Variants in DYNC1H1 observed in about 807,000 individuals in gnomAD.
DYNC1H1 encodes cytoplasmic dynein 1 heavy chain 1.
DYNC1H1 carries 51 observed loss-of-function variants against 527.1 expected under a neutral mutation model. The ratio of observed to expected loss-of-function variants is 0.10; its 90% CI spans 0.08 to 0.12. DYNC1H1 has a LOEUF of 0.12. DYNC1H1 is among the 10% of genes least tolerant of loss of function. DYNC1H1 has a pLI of 1.00. For synonymous variants in DYNC1H1, 2,189 were observed against 2,278.8 expected (o/e 0.96, Z 1.12); for missense variants, 2,771 against 5,971.8 (o/e 0.46, Z 17.66).
At position 102,040,593 on chromosome 14, in the gene DYNC1H1, C is replaced by T; in HGVS notation, c.11866-5C>T. ...CCATGGGTGCTTCCACTATTGTCTC[C>T]ACAGCAATTTGGCATCTGGCTGGAC... is the stretch of plus-strand genomic sequence containing the variant. On this transcript the variant is annotated splice_polypyrimidine_tract_variant and splice_region_variant and intron_variant, in intron 63 of 77. Transcript: ENST00000360184. The T allele has an allele frequency of 4.3e-6, 7 of 1,614,190 alleles. No individual in the cohort carries two copies. Among genetic ancestry groups the T allele is most frequent in the Non-Finnish European group, 5.1e-6 (6 of 1,180,046 alleles).
intron 43 of DYNC1H1, chr14:102,023,279 G>A (rs1221577891): frequency 4.9e-5 from 17 of 349,064 alleles, no homozygotes; most frequent in East Asian, 2.3e-4. Flanking sequence ...AGCCGGGCGC[G>A]GTGGCTCATG....
chr14:102,018,355 AGACAGGGCCCTG>A lies in DYNC1H1; in HGVS notation c.8178-87_8178-76del. ...ATAGCTGGGTTAGGAAGCGACCTCC[AGACAGGGCCCTG>A]GACAGGGCGACTCCACTGGCACACT... On this transcript the variant is annotated intron_variant, in intron 40 of 77. Transcript: ENST00000360184. The surrounding 1 kb of genome is among the most constrained non-coding windows in gnomAD (Gnocchi z 5.2). 2 of 1,536,454 alleles carry A rather than the reference AGACAGGGCCCTG, an allele frequency of 1.3e-6. No homozygotes were observed. Among genetic ancestry groups the A allele is most frequent in the Non-Finnish European group, 1.8e-6 (2 of 1,141,560 alleles).
At chr14:102,025,149 A>G (rs1262338654) in intron 43 of DYNC1H1, among the ~76,000 whole-genome samples, 1 of 151,890 alleles carries the variant, frequency 6.6e-6, no homozygotes, top group Non-Finnish European at 1.5e-5. Context: ...CAGCCTGCCC[A>G]ACGTGGTGAA....
intron 64 of DYNC1H1, 31 bp downstream of exon 64, chr14:102,040,704 C>T (rs760931144): frequency 6.2e-7 from 1 of 1,613,334 alleles, no homozygotes; most frequent in Non-Finnish European, 8.5e-7. Context: ...CTTTCTGGAC[C>T]TGAATGTAAA....
intron 43 of DYNC1H1, among the ~76,000 whole-genome samples, chr14:102,024,097 G>A (rs1042912790): frequency 2.0e-5 from 3 of 152,184 alleles, no homozygotes; most frequent in East Asian, 1.9e-4. Flanking sequence ...ATTTCCAGCC[G>A]GTGGAAGGTG....
intron 8 of DYNC1H1, among the ~76,000 whole-genome samples, chr14:101,987,084 C>T (rs1209843299): frequency 6.6e-6 from 1 of 152,224 alleles, no homozygotes; most frequent in African/African-American, 2.4e-5. Flanking sequence ...GCCACGAAGG[C>T]CTTACCCAGA....
rs773669775 is a variant in DYNC1H1, at chr14:102,015,904, G to C, written c.7291G>C (p.Gly2431Arg). 1 of 1,614,188 alleles carries C rather than the reference G, an allele frequency of 6.2e-7. No homozygotes were observed. The highest frequency in any genetic ancestry group is 1.1e-5 in the South Asian group (1 of 91,086). The change falls in exon 36 of 78, where the codon GGC becomes CGC. Residue 2431 changes from glycine to arginine, a missense_variant. By Grantham distance (125) the Gly-to-Arg change is moderately radical. Coordinates refer to ENST00000360184, the MANE Select transcript of DYNC1H1 (RefSeq NM_001376.5). This position sits in a 1 kb window ranked among gnomAD's most constrained non-coding sequence, Gnocchi z 6.9. ...CATGCAACCGTACTTCACGTCCAAC[G>C]GCCTGGTCACCAAGGCGCTAGAGCA... is the stretch of plus-strand genomic sequence containing the variant. ...TIMQPYFTSN[G>R]LVTKALEHAF...
At chr14:101,966,781 TC>T (rs552267684) in intron 1 of DYNC1H1, among the ~76,000 whole-genome samples, 77 of 152,294 alleles carry the variant, frequency 5.1e-4, no homozygotes, top group African/African-American at 1.6e-3. Context: ...CACCAGTAAT[TC>T]GCTTTTTCCA....
At position 102,048,137 on chromosome 14, in the gene DYNC1H1, A is replaced by G. The variant is rs561995178; in HGVS notation, c.13218+109A>G. 5 of 1,374,502 alleles carry G rather than the reference A, an allele frequency of 3.6e-6. No individual in the cohort carries two copies. The African/African-American group carries it at 5.7e-5, about 16-fold the overall frequency. 85.1% of individuals were successfully genotyped at this position (1,374,502 alleles called of 1,614,324 possible). A position where few individuals can be genotyped will look rare whatever the true frequency, so the allele number is the denominator to read the frequency against. ...GGTTCCACTGTGCCGGACGGAACGT[A>G]CTCACACCGGTGTCACCTCAGAGCA... is the stretch of plus-strand genomic sequence containing the variant. On this transcript the variant is annotated intron_variant, in intron 73 of 77. Coordinates refer to ENST00000360184, the MANE Select transcript of DYNC1H1 (RefSeq NM_001376.5).
Position 102,042,275 on chromosome 14 carries a change from G to A in DYNC1H1, c.12262G>A (p.Val4088Ile). The A allele has an allele frequency of 6.2e-7, 1 of 1,614,088 alleles. No homozygotes were observed. ...AGCAGATAAGGCAATAAACACCGCT[G>A]TAAAGTCGGGCAGGTAGGCCTGTTC... The part of the protein sequence containing the change: ...NQADKAINTA[V>I]KSGRWVMLKN... The change falls in exon 67 of 78, where the codon GTA becomes ATA. Residue 4088 changes from valine (V) to isoleucine (I), a missense_variant. Val to Ile is a conservative substitution (Grantham distance 29, BLOSUM62 3). Around this residue, in one of 32 missense-constraint regions of DYNC1H1, gnomAD observed 195 missense variants for 428.6 expected, o/e 0.45. Transcript: ENST00000360184. This position sits in a 1 kb window ranked among gnomAD's most constrained non-coding sequence, Gnocchi z 5.7.
intron 72 of DYNC1H1, among the ~76,000 whole-genome samples, chr14:102,045,549 T>C (rs1294848793): frequency 6.6e-6 from 1 of 151,962 alleles, no homozygotes; most frequent in Non-Finnish European, 1.5e-5. Context: ...AGGCAGAGGT[T>C]TCAGTGAGCT....
At chr14:102,040,951 T>C in intron 64 of DYNC1H1, 1 of 517,968 alleles carries the variant, frequency 1.9e-6, no homozygotes, top group Non-Finnish European at 3.5e-6. Context: ...GACAGAGGCC[T>C]GTCTGTGAAT....
chr14:102,049,249 C>A lies in DYNC1H1; in HGVS notation c.13373-191C>A. The A allele has an allele frequency of 1.4e-6, 1 of 735,834 alleles. No individual in the cohort carries two copies. The allele number at this position is 735,834 out of a possible 1,614,324, so 45.6% of individuals were successfully genotyped here. A position where few individuals can be genotyped will look rare whatever the true frequency, so the allele number is the denominator to read the frequency against. On this transcript the variant is annotated intron_variant, in intron 74 of 77. Transcript: ENST00000360184. This position sits in a 1 kb window ranked among gnomAD's most constrained non-coding sequence, Gnocchi z 5.5. ...GCACGGTTCTGAGACATGCTCTGGA[C>A]CAGCCTGAGCTAGAGCAGATGTGGT...
In DYNC1H1 at chr14:102,004,892, T is replaced by C. The variant is rs2048178885; in HGVS notation, c.5180T>C (p.Phe1727Ser). The change falls in exon 25 of 78, where the codon TTT (phenylalanine) becomes TCT (serine). Residue 1727 changes from phenylalanine to serine, a missense_variant. This residue lies in a region of DYNC1H1 where 105 missense variants were observed against 138.1 expected (regional missense o/e 0.76). Coordinates refer to ENST00000360184, the MANE Select transcript of DYNC1H1 (RefSeq NM_001376.5). ...GAGTCTGTTACGGAAGTTGAGATTT[T>C]TGGTAAAGCAACTTCAATTGACCCA... ...LAESVTEVEI[F>S]GKATSIDPNT... The C allele has an allele frequency of 1.2e-6, 2 of 1,614,102 alleles. No homozygotes were observed. The highest frequency in any genetic ancestry group is 1.7e-6 in the Non-Finnish European group (2 of 1,180,054).
In DYNC1H1 at chr14:102,050,838, G is replaced by A. The variant is rs546789509; in HGVS notation, c.*275G>A. On this transcript the variant is annotated 3_prime_UTR_variant, in exon 78 of 78. Coordinates refer to ENST00000360184, the MANE Select transcript of DYNC1H1 (RefSeq NM_001376.5). ...CTCCGCTTTCATCCCAGGGCACAGA[G>A]CCTTGCCTTCCATGCTGCCCAGGGA... 9.0e-6 allele frequency: 4 copies of A among 443,518 alleles called. No homozygotes were observed. The East Asian group carries it at 2.0e-4, about 22-fold the overall frequency. The allele number at this position is 443,518 out of a possible 1,614,324, so 27.5% of individuals were successfully genotyped here.
intron 56 of DYNC1H1, 44 bp downstream of exon 56, chr14:102,034,496 T>C: frequency 6.2e-7 from 1 of 1,611,360 alleles, no homozygotes; most frequent in South Asian, 1.1e-5. Flanking sequence ...GGAATGTGGG[T>C]GGTGATCTTG....
chr14:101,982,912 G>A (rs570984112), intron 5 of DYNC1H1, 107 bp from the exon 6 acceptor site: 33 of 1,326,694 alleles, frequency 2.5e-5, no homozygotes, highest in African/African-American at 7.3e-5. Context: ...TTTTTGTCTC[G>A]CTAGATATTT....
In DYNC1H1 at chr14:102,011,162, C is replaced by T. The variant is rs572846272; in HGVS notation, c.6618+210C>T. ...AACAATACTTAACCTGAAAATTTTA[C>T]ATGATACAGTTCAATTTCTGAAAAT... On this transcript the variant is annotated intron_variant, in intron 32 of 77. Coordinates refer to ENST00000360184, the MANE Select transcript of DYNC1H1 (RefSeq NM_001376.5). This position sits in a 1 kb window ranked among gnomAD's most constrained non-coding sequence, Gnocchi z 5.3. 1.3e-5 allele frequency: 8 copies of T among 621,690 alleles called. No homozygotes were observed. Among genetic ancestry groups the T allele is most frequent in the Middle Eastern group, 4.4e-4 (1 of 2,262 alleles). 38.5% of individuals were successfully genotyped at this position (621,690 alleles called of 1,614,324 possible). A position where few individuals can be genotyped will look rare whatever the true frequency, so the allele number is the denominator to read the frequency against.
rs916001404 is a variant in DYNC1H1 at position 102,049,324 on chromosome 14, GAGCCGCC to G, written c.13373-108_13373-102del. On this transcript the variant is annotated intron_variant, in intron 74 of 77. Coordinates refer to ENST00000360184, the MANE Select transcript of DYNC1H1 (RefSeq NM_001376.5). This position sits in a 1 kb window ranked among gnomAD's most constrained non-coding sequence, Gnocchi z 5.5. ...TGCAGCCTGGGAAAGGCAGTAGGTG[GAGCCGCC>G]AGCCGCCTGTGTGGGCAGCCAGGAT... 33 of 1,484,158 alleles carry G rather than the reference GAGCCGCC, an allele frequency of 2.2e-5. No individual in the cohort carries two copies. The African/African-American group carries it at 3.4e-4, about 15-fold the overall frequency. 91.9% of individuals were successfully genotyped at this position (1,484,158 alleles called of 1,614,324 possible).
Sources: allele counts gnomAD v4.1 joint callset (sites outside exome capture counted in the v4.1 genomes callset), GRCh38; gene constraint gnomAD v4.1.1; regional missense constraint gnomAD v4.1.1; non-coding constraint Gnocchi (gnomAD v3.1); transcripts MANE v1.5; gene names NCBI Gene and HGNC (gene_info 2026-07-23, HGNC 2026-07-21).